CFAP299: variants seen among roughly 807,000 people sequenced by gnomAD.
The protein encoded by CFAP299 is cilia- and flagella-associated protein 299.
A neutral mutation model predicts 27.0 loss-of-function variants in CFAP299; 21 were observed. The ratio of observed to expected loss-of-function variants is 0.78; its 90% CI spans 0.55 to 1.12. The LOEUF is 1.12. Ranked by LOEUF, CFAP299 falls within the 50% of genes most tolerant of loss-of-function variation. The pLI, the probability that CFAP299 is intolerant of heterozygous loss-of-function variation, is 0.00. For synonymous variants in CFAP299, 104 were observed against 98.1 expected (o/e 1.06, Z -0.36); for missense variants, 310 against 276.6 (o/e 1.12, Z -0.86).
intron 3 of CFAP299, among the ~76,000 whole-genome samples, chr4:80,597,287 T>C (rs1182691634): frequency 1.3e-5 from 2 of 152,208 alleles, no homozygotes; most frequent in African/African-American, 2.4e-5. Context: ...CATTATATCA[T>C]TGTAGTTTAA....
intron 5 of CFAP299, among the ~76,000 whole-genome samples, chr4:80,945,979 C>T (rs1393941685): frequency 6.6e-6 from 1 of 151,660 alleles, no homozygotes; most frequent in Non-Finnish European, 1.5e-5. Context: ...CATGGAGAAA[C>T]CCCATCTGTA....
chr4:80,903,053 C>G (rs1735008481), intron 4 of CFAP299, among the ~76,000 whole-genome samples: 1 of 151,962 alleles, frequency 6.6e-6, no homozygotes, highest in African/African-American at 2.4e-5. Context: ...TCAAAGTAAG[C>G]CTTGTAAATG....
chr4:80,907,299 CA>C (rs1735230898), intron 4 of CFAP299, among the ~76,000 whole-genome samples: 1 of 152,158 alleles, frequency 6.6e-6, no homozygotes, highest in Non-Finnish European at 1.5e-5. Flanking sequence ...AACAAGTCTC[CA>C]GGCAGTTGCA....
At chr4:80,690,810 G>A (rs1043167808) in intron 3 of CFAP299, among the ~76,000 whole-genome samples, 2 of 150,868 alleles carry the variant, frequency 1.3e-5, no homozygotes, top group African/African-American at 4.9e-5. Flanking sequence ...GACTAATAAA[G>A]AAGAAAAGAG....
rs1320135336 is a variant in CFAP299, at chr4:80,800,730, GTA to G, written c.334-69252_334-69251del. Among the ~76,000 whole-genome samples the G allele has an allele frequency of 1.6e-3, 151 of 91,638 alleles. 1 individual carries two copies. Among genetic ancestry groups the G allele is most frequent in the African/African-American group, 6.5e-3 (142 of 21,892 alleles). 60.1% of individuals were successfully genotyped at this position (91,638 alleles called of 152,430 possible). A position where few individuals can be genotyped will look rare whatever the true frequency, so the allele number is the denominator to read the frequency against. On this transcript the variant is annotated intron_variant, in intron 3 of 5. Coordinates refer to ENST00000358105, the MANE Select transcript of CFAP299 (RefSeq NM_152770.3). ...AGTTTTTATGTATGAGTCCATATGTGTATATATATATAATCAGTGTGTGTGTG... is the reference window on the plus strand; with the variant it reads ...AGTTTTTATGTATGAGTCCATATGTGTATATATATAATCAGTGTGTGTGTG...
At chr4:80,696,328 C>T (rs1021056890) in intron 3 of CFAP299, among the ~76,000 whole-genome samples, 3 of 151,310 alleles carry the variant, frequency 2.0e-5, no homozygotes, top group Non-Finnish European at 1.5e-5. Flanking sequence ...AGAATTTAAT[C>T]CACCATGCCT....
At chr4:80,773,173 A>T (rs1007996494) in intron 3 of CFAP299, among the ~76,000 whole-genome samples, 1 of 152,200 alleles carries the variant, frequency 6.6e-6, no homozygotes, top group Non-Finnish European at 1.5e-5. Flanking sequence ...TAACCACAGA[A>T]TTGGTAAAAT....
rs879812578 is a variant in CFAP299 at position 80,870,738 on chromosome 4, TAACTA to T, written c.476+604_476+608del. On this transcript the variant is annotated intron_variant, in intron 4 of 5. Coordinates refer to ENST00000358105, the MANE Select transcript of CFAP299 (RefSeq NM_152770.3). The stretch of plus-strand genomic sequence containing the variant: ...CTAAAACTTTTTATTCCCTCTTACT[TAACTA>T]TAGAACCCCAAAATTAAGTAGCAGC... The T allele has an allele frequency of 2.0e-5, 20 of 985,450 alleles. No individual in the cohort carries two copies. In the Middle Eastern group the frequency reaches 2.6e-3, roughly 129 times the overall value. The allele number at this position is 985,450 out of a possible 1,614,324, so 61.0% of individuals were successfully genotyped here. A position where few individuals can be genotyped will look rare whatever the true frequency, so the allele number is the denominator to read the frequency against.
chr4:80,715,157 C>T (rs1174257912), intron 3 of CFAP299, among the ~76,000 whole-genome samples: 1 of 152,008 alleles, frequency 6.6e-6, no homozygotes, highest in East Asian at 1.9e-4. Flanking sequence ...CCAAGTTGGG[C>T]AGATGTTTTG....
At chr4:80,481,842 C>G (rs1291540709) in intron 2 of CFAP299, among the ~76,000 whole-genome samples, 1 of 151,764 alleles carries the variant, frequency 6.6e-6, no homozygotes, top group Non-Finnish European at 1.5e-5. Context: ...ATATTTTTTC[C>G]CATTTATTTT....
chr4:80,505,859 C>G (rs966846896), intron 2 of CFAP299, among the ~76,000 whole-genome samples: 1 of 151,662 alleles, frequency 6.6e-6, no homozygotes, highest in Non-Finnish European at 1.5e-5. Context: ...CTTGGGTGGC[C>G]GAGGCAGGAG....
At chr4:80,806,763 G>A (rs1015300309) in intron 3 of CFAP299, among the ~76,000 whole-genome samples, 3 of 152,192 alleles carry the variant, frequency 2.0e-5, no homozygotes, top group Non-Finnish European at 4.4e-5. Flanking sequence ...CTTCTTAAAG[G>A]CGTTGAAGTA....
chr4:80,576,193 A>ATATATATAT (rs1264207681), intron 2 of CFAP299, among the ~76,000 whole-genome samples: 39 of 33,292 alleles, frequency 1.2e-3, no homozygotes, highest in Admixed American at 5.2e-3. Flanking sequence ...ATAATAAAAA[A>ATATATATAT]AAAAATATAT....
chr4:80,573,927 G>C (rs1051479988), intron 2 of CFAP299, among the ~76,000 whole-genome samples: 125 of 152,138 alleles, frequency 8.2e-4, no homozygotes, highest in African/African-American at 2.9e-3. Context: ...ACTTAGGATA[G>C]CTTTGGCTAT....
chr4:80,892,801 C>G (rs1734375016), intron 4 of CFAP299, among the ~76,000 whole-genome samples: 1 of 152,020 alleles, frequency 6.6e-6, no homozygotes, highest in South Asian at 2.1e-4. Context: ...GAAAGCTTTT[C>G]CTCCAAGATA....
At chr4:80,955,890 C>T (rs1036206394) in intron 5 of CFAP299, among the ~76,000 whole-genome samples, 16 of 152,110 alleles carry the variant, frequency 1.1e-4, no homozygotes, top group African/African-American at 3.6e-4. Context: ...ATCCCAGATA[C>T]TCAGGAGGCT....
At chr4:80,432,976 T>C (rs1002949162) in intron 2 of CFAP299, among the ~76,000 whole-genome samples, 1 of 152,214 alleles carries the variant, frequency 6.6e-6, no homozygotes, top group African/African-American at 2.4e-5. Flanking sequence ...TTACTCATCT[T>C]ATATTCCTGA....
intron 3 of CFAP299, among the ~76,000 whole-genome samples, chr4:80,648,577 A>G (rs1740139433): frequency 6.6e-6 from 1 of 152,164 alleles, no homozygotes; most frequent in Non-Finnish European, 1.5e-5. Flanking sequence ...AATAAAGACA[A>G]GGTGTTAAAA....
At chr4:80,835,973 T>C (rs1180466067) in intron 3 of CFAP299, among the ~76,000 whole-genome samples, 1 of 152,228 alleles carries the variant, frequency 6.6e-6, no homozygotes, top group African/African-American at 2.4e-5. Flanking sequence ...GATACCTTTA[T>C]ATTACTACAT....
Sources: allele counts gnomAD v4.1 joint callset (sites outside exome capture counted in the v4.1 genomes callset), GRCh38; gene constraint gnomAD v4.1.1; transcripts MANE v1.5; gene names NCBI Gene and HGNC (gene_info 2026-07-23, HGNC 2026-07-21).